Variants in TGM6 observed in about 807,000 individuals in gnomAD.
TGM6 encodes the protein transglutaminase 6, also known as protein-glutamine gamma-glutamyltransferase 6.
In TGM6, 74 loss-of-function variants were observed where a neutral mutation model predicts 77.5. That is an observed-to-expected ratio of 0.96 (90% CI 0.79 to 1.16). TGM6 has a LOEUF of 1.16. Among genes scored for constraint, TGM6 ranks in the 50% most tolerant of loss-of-function variants. The pLI is 0.00. For synonymous variants in TGM6, 383 were observed against 378.9 expected (o/e 1.01, Z -0.12); for missense variants, 968 against 940.2 (o/e 1.03, Z -0.39).
intron 3 of TGM6, among the ~76,000 whole-genome samples, chr20:2,396,263 C>T (rs1221233431): frequency 6.6e-6 from 1 of 152,044 alleles, no homozygotes; most frequent in Non-Finnish European, 1.5e-5. Context: ...TCAAGGAGGC[C>T]CACCCAAAGC....
chr20:2,416,409 G>A (rs186350255), intron 9 of TGM6, among the ~76,000 whole-genome samples: 2 of 152,296 alleles, frequency 1.3e-5, no homozygotes, highest in Non-Finnish European at 2.9e-5. Context: ...AATGGAGAAA[G>A]AATAAAAATA....
Position 2,399,757 on chromosome 20 carries a change from GC to G in TGM6, c.850+23del, listed in dbSNP as rs1242744698. ...TGCACAGGTACCCTGGGAGAGAAGG[GC>G]CCCAGGGTACCTGTGCCCCCAGCTT... On this transcript the variant is annotated intron_variant, in intron 6 of 12. Transcript: ENST00000202625. 3 of 1,607,244 alleles carry G rather than the reference GC, an allele frequency of 1.9e-6. No homozygotes were observed. The highest frequency in any genetic ancestry group is 1.1e-5 in the South Asian group (1 of 90,722).
At chr20:2,403,172 A>G (rs2084722895) in intron 7 of TGM6, among the ~76,000 whole-genome samples, 1 of 152,268 alleles carries the variant, frequency 6.6e-6, no homozygotes, top group African/African-American at 2.4e-5. Flanking sequence ...ACCTTGAACA[A>G]CAGGTTCTTG....
chr20:2,403,964 C>A, intron 9 of TGM6, 141 bp downstream of exon 9: 1 of 1,410,346 alleles, frequency 7.1e-7, no homozygotes, highest in Non-Finnish European at 9.8e-7. Context: ...TGTCTCTGTG[C>A]TCTGAGCCAA....
chr20:2,394,216 C>A (rs764212353), intron 1 of TGM6, among the ~76,000 whole-genome samples: 1 of 152,130 alleles, frequency 6.6e-6, no homozygotes, highest in Middle Eastern at 3.2e-3. Context: ...ATTGCTTGAA[C>A]CTGGGAGGCA....
At chr20:2,406,945 G>A (rs2084756750) in intron 9 of TGM6, among the ~76,000 whole-genome samples, 1 of 151,332 alleles carries the variant, frequency 6.6e-6, no homozygotes, top group African/African-American at 2.4e-5. Context: ...CTGGCTGTGG[G>A]CTGGCCATTT....
At chr20:2,420,236 C>T (rs1599965233) in intron 10 of TGM6, among the ~76,000 whole-genome samples, 1 of 151,904 alleles carries the variant, frequency 6.6e-6, no homozygotes, top group Non-Finnish European at 1.5e-5. Context: ...CAGAGAGAGA[C>T]TCTTGTCTAA....
At chr20:2,396,137 G>A (rs1043111955) in intron 3 of TGM6, among the ~76,000 whole-genome samples, 116 of 148,870 alleles carry the variant, frequency 7.8e-4, no homozygotes, top group African/African-American at 2.7e-3. Context: ...CCAAGATTGC[G>A]CCATTGTACT....
At chr20:2,401,245 T>TA (rs2098426550) in intron 7 of TGM6, among the ~76,000 whole-genome samples, 4 of 152,166 alleles carry the variant, frequency 2.6e-5, no homozygotes, top group African/African-American at 9.7e-5. Flanking sequence ...CTTAATTTTC[T>TA]GAAATAGGAA....
chr20:2,396,432 C>T lies in TGM6; in HGVS notation c.425-74C>T, dbSNP rs180889233. The T allele has an allele frequency of 1.7e-5, 25 of 1,478,972 alleles. No individual in the cohort carries two copies. In the East Asian group the frequency reaches 5.0e-4, roughly 29 times the overall value. 91.6% of individuals were successfully genotyped at this position (1,478,972 alleles called of 1,614,324 possible). A position where few individuals can be genotyped will look rare whatever the true frequency, so the allele number is the denominator to read the frequency against. On this transcript the variant is annotated intron_variant, in intron 3 of 12. Transcript: ENST00000202625. ...TCCGGGCGCTGCCCTGCTGCTGATCCCTGATGCAGCCCCTTCCCCAGGCCA... is the reference window on the plus strand; with the variant it reads ...TCCGGGCGCTGCCCTGCTGCTGATCTCTGATGCAGCCCCTTCCCCAGGCCA...
Position 2,430,942 on chromosome 20 carries a change from G to A in TGM6, c.1882G>A (p.Val628Ile). The A allele has an allele frequency of 1.9e-6, 3 of 1,614,170 alleles. No individual in the cohort carries two copies. The highest frequency in any genetic ancestry group is 2.2e-5 in the South Asian group (2 of 91,080). The change falls in exon 12 of 13, where the codon GTA becomes ATA. Residue 628 changes from valine (V) to isoleucine (I), a missense_variant. Coordinates refer to ENST00000202625, the MANE Select transcript of TGM6 (RefSeq NM_198994.3). ...AGTGGCAGTTACAGTGGAAGTGACA[G>A]TAGTCAACCCCCTCATAGAGAGAGT... ...VGVAVTVEVT[V>I]VNPLIERVKD...
At chr20:2,396,061 T>C (rs1015341257) in intron 3 of TGM6, among the ~76,000 whole-genome samples, 1 of 151,532 alleles carries the variant, frequency 6.6e-6, no homozygotes, top group Non-Finnish European at 1.5e-5. Flanking sequence ...ACGCCTGTAA[T>C]CCCAGCTACT....
intron 3 of TGM6, 127 bp downstream of exon 3, chr20:2,395,563 A>T (rs2084659486): frequency 6.4e-7 from 1 of 1,551,298 alleles, no homozygotes; most frequent in Non-Finnish European, 8.8e-7. Context: ...CTGGGCAAGA[A>T]CTTAGCCTAG....
chr20:2,430,512 T>C lies in TGM6; in HGVS notation c.1745T>C (p.Ile582Thr), dbSNP rs1341082121. ...YKEDLTEDKKILLAAMCLVTK... is the reference protein window; with the variant it reads ...YKEDLTEDKKTLLAAMCLVTK... ...GAAGACCTGACAGAGGACAAGAAGA[T>C]CCTGTTGGCTGCCATGTGCCTTGTC... The change falls in exon 11 of 13, where the codon ATC (isoleucine) becomes ACC (threonine). Residue 582 changes from isoleucine (I) to threonine (T), a missense_variant. By Grantham distance (89) the Ile-to-Thr change is moderately conservative (BLOSUM62 -1). Coordinates refer to ENST00000202625, the MANE Select transcript of TGM6 (RefSeq NM_198994.3). The C allele has an allele frequency of 8.1e-6, 13 of 1,614,040 alleles. No individual in the cohort carries two copies. Among genetic ancestry groups the C allele is most frequent in the Non-Finnish European group, 1.1e-5 (13 of 1,180,044 alleles).
chr20:2,421,503 T>C (rs973559710), intron 10 of TGM6, among the ~76,000 whole-genome samples: 3 of 152,228 alleles, frequency 2.0e-5, no homozygotes, highest in Non-Finnish European at 2.9e-5. Context: ...TGTGTAATAG[T>C]ATATCAGAGT....
At chr20:2,405,427 G>C (rs1386825411) in intron 9 of TGM6, among the ~76,000 whole-genome samples, 1 of 152,200 alleles carries the variant, frequency 6.6e-6, no homozygotes, top group Non-Finnish European at 1.5e-5. Flanking sequence ...TTGGCACTGG[G>C]ACTTTTTAAA....
intron 6 of TGM6, 51 bp from the exon 7 acceptor site, chr20:2,400,255 C>T: frequency 1.2e-6 from 2 of 1,611,966 alleles, no homozygotes; most frequent in Non-Finnish European, 1.7e-6. Flanking sequence ...AAGCCAGGCC[C>T]CTCTCTCAGG....
chr20:2,430,111 G>C (rs1461082474), intron 10 of TGM6, among the ~76,000 whole-genome samples: 1 of 152,208 alleles, frequency 6.6e-6, no homozygotes, highest in African/African-American at 2.4e-5. Context: ...ATGATGGGCT[G>C]AGAGATTTTC....
intron 9 of TGM6, among the ~76,000 whole-genome samples, chr20:2,409,963 A>G (rs2084774972): frequency 6.6e-6 from 1 of 152,204 alleles, no homozygotes; most frequent in Non-Finnish European, 1.5e-5. Flanking sequence ...AAAAATGAAA[A>G]GAACTATAGA....
Sources: gnomAD v4.1 joint callset for allele counts (sites outside exome capture counted in the v4.1 genomes callset) on GRCh38, gnomAD v4.1.1 for gene constraint, MANE v1.5 for transcripts, NCBI Gene and HGNC (gene_info 2026-07-23, HGNC 2026-07-21) for gene names.